Variants in ADAM18 observed in about 807,000 individuals in gnomAD.
ADAM18 encodes disintegrin and metalloproteinase domain-containing protein 18.
In ADAM18, 117 loss-of-function variants were observed where a neutral mutation model predicts 94.4. The observed-to-expected ratio is 1.24, with a 90% CI of 1.07 to 1.45. The LOEUF is 1.45. Ranked by LOEUF, ADAM18 falls within the 40% of genes most tolerant of loss-of-function variation. The probability of loss-of-function intolerance (pLI) is 0.00; values close to 1 mark genes in which losing one functional copy is unlikely to be tolerated. For missense variants in ADAM18, 936 were observed against 880.0 expected (o/e 1.06, Z -0.81); for synonymous variants, 327 against 291.6 (o/e 1.12, Z -1.24).
intron 18 of ADAM18, among the ~76,000 whole-genome samples, chr8:39,719,463 A>T (rs1462419241): frequency 6.6e-6 from 1 of 151,376 alleles, no homozygotes; most frequent in Non-Finnish European, 1.5e-5. Context: ...GATAAGTTGG[A>T]CAACATAAAA....
At chr8:39,685,405 C>T (rs1188125213) in intron 16 of ADAM18, 1 of 152,256 alleles carries the variant, frequency 6.6e-6, no homozygotes, top group Admixed American at 6.5e-5. Flanking sequence ...CTTGAGGCAT[C>T]ATGAGCAGTA....
intron 10 of ADAM18, among the ~76,000 whole-genome samples, chr8:39,644,280 C>T (rs990796512): frequency 1.3e-5 from 2 of 151,986 alleles, no homozygotes; most frequent in East Asian, 3.9e-4. Flanking sequence ...CTTCTCACTT[C>T]AAATTTATTT....
Position 39,680,211 on chromosome 8 carries a change from G to A in ADAM18, c.1806G>A (p.Met602Ile), listed in dbSNP as rs141609038. The change falls in exon 16 of 20, where the codon ATG (methionine) becomes ATA (isoleucine). Residue 602 changes from methionine to isoleucine, a missense_variant. By Grantham distance (10) the Met-to-Ile change is conservative. Coordinates refer to ENST00000265707, the MANE Select transcript of ADAM18 (RefSeq NM_014237.3). ...TDNAYVADGT[M>I]CGPEMYCVNK... is the part of the protein sequence containing the mutation. ...ATGCCTATGTGGCTGATGGCACCAT[G>A]TGTGGTCCAGAAATGGTAACAAAAT... 5.3e-5 allele frequency: 85 copies of A among 1,612,092 alleles called. 1 individual carries two copies. The African/African-American group carries it at 9.2e-4, about 17-fold the overall frequency.
chr8:39,587,981 A>C (rs1451690300), intron 2 of ADAM18, among the ~76,000 whole-genome samples: 1 of 152,218 alleles, frequency 6.6e-6, no homozygotes, highest in Non-Finnish European at 1.5e-5. Flanking sequence ...ATTGTGAATA[A>C]TGTTGGAATT....
At chr8:39,708,901 C>G (rs7387367) in intron 18 of ADAM18, among the ~76,000 whole-genome samples, 139,182 of 152,298 alleles carry the variant, frequency 0.91, 63,821 homozygotes, top group African/African-American at 0.98. Context: ...GGGCCCTGCG[C>G]CCGCATCTGG....
At chr8:39,611,399 A>C (rs1819267575) in intron 6 of ADAM18, 3 of 966,502 alleles carry the variant, frequency 3.1e-6, no homozygotes, top group Admixed American at 1.4e-4. Context: ...GTGTTTTGAA[A>C]TTAAATTAGC....
At chr8:39,662,593 T>C (rs970186576) in intron 12 of ADAM18, among the ~76,000 whole-genome samples, 1 of 152,190 alleles carries the variant, frequency 6.6e-6, no homozygotes, top group Non-Finnish European at 1.5e-5. Flanking sequence ...ATAATATTTG[T>C]TTTTTAAGAT....
intron 6 of ADAM18, chr8:39,610,951 A>G (rs756608429): frequency 1.1e-4 from 128 of 1,218,968 alleles, no homozygotes; most frequent in Admixed American, 6.2e-4. Context: ...AAATGATACT[A>G]TTGAAAAAGT....
At chr8:39,622,526 CAA>C (rs1402256310) in intron 6 of ADAM18, among the ~76,000 whole-genome samples, 1 of 151,624 alleles carries the variant, frequency 6.6e-6, no homozygotes, top group Non-Finnish European at 1.5e-5. Context: ...GAGAATCTAT[CAA>C]GAGCAATTAT....
chr8:39,619,368 GT>G (rs1438978812), intron 6 of ADAM18, among the ~76,000 whole-genome samples: 1 of 152,130 alleles, frequency 6.6e-6, no homozygotes, highest in Admixed American at 6.5e-5. Context: ...GAATTCACAT[GT>G]TTTTCAACTG....
At chr8:39,645,066 T>C (rs1217176241) in intron 10 of ADAM18, among the ~76,000 whole-genome samples, 1 of 152,188 alleles carries the variant, frequency 6.6e-6, no homozygotes, top group Non-Finnish European at 1.5e-5. Context: ...ATAAACATGT[T>C]GTATTGTATC....
At position 39,680,131 on chromosome 8, in the gene ADAM18, C is replaced by A. The variant is rs373762690; in HGVS notation, c.1726C>A (p.His576Asn). The A allele has an allele frequency of 4.3e-6, 7 of 1,613,660 alleles. No individual in the cohort carries two copies. The highest frequency in any genetic ancestry group is 5.9e-6 in the Non-Finnish European group (7 of 1,179,794). Residue 576 changes from histidine to asparagine, a missense_variant, in exon 16 of 20, where the codon CAT becomes AAT. His to Asn is a moderately conservative substitution (Grantham distance 68). Coordinates refer to ENST00000265707, the MANE Select transcript of ADAM18 (RefSeq NM_014237.3). Reference sequence around the variant, plus strand: ...TACAGTTTATTCATATATTCAAGACCATGTATGTGTATCTATAGCCACTGG... The same window carrying A: ...TACAGTTTATTCATATATTCAAGACAATGTATGTGTATCTATAGCCACTGG... ...QSTVYSYIQD[H>N]VCVSIATGSS...
intron 17 of ADAM18, among the ~76,000 whole-genome samples, chr8:39,701,276 G>A (rs1822070197): frequency 6.8e-6 from 1 of 147,740 alleles, no homozygotes. Flanking sequence ...TCTTATTTTT[G>A]ATATGTTCAT....
intron 1 of ADAM18, 91 bp downstream of exon 1, chr8:39,584,768 C>T: frequency 1.4e-6 from 2 of 1,448,948 alleles, no homozygotes; most frequent in Non-Finnish European, 9.6e-7. Context: ...CTGGGACCCT[C>T]CCCCTCTCCC....
intron 2 of ADAM18, among the ~76,000 whole-genome samples, chr8:39,603,002 A>G (rs551989359): frequency 6.7e-6 from 1 of 149,466 alleles, no homozygotes; most frequent in African/African-American, 2.4e-5. Context: ...ATTGAGATTC[A>G]TCTTTTTGCA....
intron 16 of ADAM18, among the ~76,000 whole-genome samples, chr8:39,690,083 G>C (rs112279518): frequency 4.6e-5 from 7 of 152,306 alleles, no homozygotes; most frequent in African/African-American, 1.7e-4. Flanking sequence ...TGCTGAAGTT[G>C]TTTATCAGCT....
intron 18 of ADAM18, among the ~76,000 whole-genome samples, chr8:39,723,481 A>G (rs931910659): frequency 2.0e-5 from 3 of 151,662 alleles, no homozygotes; most frequent in Non-Finnish European, 4.4e-5. Context: ...TAACTTGTAA[A>G]GTATTGATGT....
intron 13 of ADAM18, among the ~76,000 whole-genome samples, chr8:39,664,120 T>G (rs902078306): frequency 5.9e-5 from 9 of 152,230 alleles, no homozygotes; most frequent in Non-Finnish European, 1.2e-4. Flanking sequence ...ACTGAACCAC[T>G]TAATACGTGC....
intron 16 of ADAM18, among the ~76,000 whole-genome samples, chr8:39,682,696 AT>A (rs774751113): frequency 3.3e-5 from 5 of 152,166 alleles, no homozygotes; most frequent in Non-Finnish European, 7.4e-5. Context: ...CTTTATTACC[AT>A]TATATATTGA....
Sources: gnomAD v4.1 joint callset for allele counts (sites outside exome capture counted in the v4.1 genomes callset) on GRCh38, gnomAD v4.1.1 for gene constraint, MANE v1.5 for transcripts, NCBI Gene and HGNC (gene_info 2026-07-23, HGNC 2026-07-21) for gene names.